CACNA2D3: variants seen among roughly 807,000 people sequenced by gnomAD.
CACNA2D3 encodes calcium voltage-gated channel auxiliary subunit alpha2delta 3.
CACNA2D3 carries 60 observed loss-of-function variants against 160.6 expected under a neutral mutation model. That is an observed-to-expected ratio of 0.37 (90% confidence interval 0.30 to 0.46). The LOEUF is 0.46. Among genes scored for constraint, CACNA2D3 ranks in the 20% least tolerant of loss-of-function variants. The probability of loss-of-function intolerance (pLI) is 1.00; values close to 1 mark genes in which losing one functional copy is unlikely to be tolerated. For missense variants in CACNA2D3, 1,205 were observed against 1,365.0 expected (o/e 0.88, Z 1.85); for synonymous variants, 558 against 492.9 (o/e 1.13, Z -1.75).
chr3:54,764,930 A>G (rs892823531), intron 13 of CACNA2D3, among the ~76,000 whole-genome samples: 2 of 152,202 alleles, frequency 1.3e-5, no homozygotes, highest in African/African-American at 2.4e-5. Flanking sequence ...AATTAGCTGA[A>G]AAGGAGGAGC....
At chr3:55,012,574 A>G (rs1457450960) in intron 34 of CACNA2D3, among the ~76,000 whole-genome samples, 1 of 152,040 alleles carries the variant, frequency 6.6e-6, no homozygotes, top group African/African-American at 2.4e-5. Flanking sequence ...GCCATTCACT[A>G]TGATCTTTGC....
In CACNA2D3 at chr3:54,618,352, C is replaced by CATACATACATATATAT. The variant is rs56316245; in HGVS notation, c.964-9432_964-9431insCATACATATATATATA. ...AAGTTCAAATTGATGTTGATACATA[C>CATACATACATATATAT]ATATATATATATATATATATATGCA... On this transcript the variant is annotated intron_variant, in intron 9 of 37. Coordinates refer to ENST00000474759, the MANE Select transcript of CACNA2D3 (RefSeq NM_018398.3). Among the ~76,000 whole-genome samples, 17 of 119,892 alleles carry CATACATACATATATAT rather than the reference C, an allele frequency of 1.4e-4. 1 individual carries two copies. Among genetic ancestry groups the CATACATACATATATAT allele is most frequent in the East Asian group, 6.8e-4 (3 of 4,398 alleles). The allele number at this position is 119,892 out of a possible 152,430, so 78.7% of individuals were successfully genotyped here.
In CACNA2D3 at chr3:54,890,491, G is replaced by A. The variant is rs558709106; in HGVS notation, c.2151-864G>A. On this transcript the variant is annotated intron_variant, in intron 24 of 37. Coordinates refer to ENST00000474759, the MANE Select transcript of CACNA2D3 (RefSeq NM_018398.3). ...AGCCTGGGTGACAGAGCCAGACTCC[G>A]TCTCAAAAAAAAAAAAAAAAAAAGA... Among the ~76,000 whole-genome samples, 69 of 110,782 alleles carry A rather than the reference G, an allele frequency of 6.2e-4. No individual in the cohort carries two copies. In the East Asian group the frequency reaches 0.015, roughly 23 times the overall value. 72.7% of individuals were successfully genotyped at this position (110,782 alleles called of 152,430 possible).
At chr3:54,818,817 G>A (rs773250586) in intron 14 of CACNA2D3, among the ~76,000 whole-genome samples, 3 of 152,190 alleles carry the variant, frequency 2.0e-5, no homozygotes, top group Non-Finnish European at 4.4e-5. Flanking sequence ...TTAAAATAGA[G>A]AAAGGCACTT....
chr3:54,314,064 C>G (rs1473088072), intron 2 of CACNA2D3, among the ~76,000 whole-genome samples: 1 of 152,074 alleles, frequency 6.6e-6, no homozygotes, highest in African/African-American at 2.4e-5. Context: ...CCCTTACTCC[C>G]TTTCTCCCTG....
intron 14 of CACNA2D3, among the ~76,000 whole-genome samples, chr3:54,827,296 T>G (rs1364162499): frequency 6.6e-6 from 1 of 152,240 alleles, no homozygotes; most frequent in Non-Finnish European, 1.5e-5. Context: ...GCTACGTAGA[T>G]GCAAAACATT....
intron 3 of CACNA2D3, among the ~76,000 whole-genome samples, chr3:54,324,173 TA>T (rs915228828): frequency 2.0e-5 from 3 of 152,198 alleles, no homozygotes; most frequent in African/African-American, 7.2e-5. Context: ...TCCTGCCTGT[TA>T]AACAATGTTG....
intron 27 of CACNA2D3, chr3:54,925,314 C>G (rs1387840373): frequency 2.1e-6 from 2 of 968,980 alleles, no homozygotes; most frequent in African/African-American, 1.6e-5. Context: ...GCTTTCCAGC[C>G]AGGTGAAACC....
intron 35 of CACNA2D3, among the ~76,000 whole-genome samples, chr3:55,040,610 A>G (rs1703937849): frequency 6.6e-6 from 1 of 152,130 alleles, no homozygotes; most frequent in South Asian, 2.1e-4. Flanking sequence ...ACTTGAGCCC[A>G]GGAGTCTGAG....
intron 35 of CACNA2D3, among the ~76,000 whole-genome samples, chr3:55,068,942 A>ATAAG (rs1189795655): frequency 6.6e-6 from 1 of 152,228 alleles, no homozygotes; most frequent in Non-Finnish European, 1.5e-5. Context: ...CATAGTAGCT[A>ATAAG]TAAGTTTCAC....
chr3:54,180,929 G>GCAAA (rs1700771788), intron 2 of CACNA2D3, among the ~76,000 whole-genome samples: 1 of 152,186 alleles, frequency 6.6e-6, no homozygotes, highest in Non-Finnish European at 1.5e-5. Flanking sequence ...GAGGCTACCT[G>GCAAA]ATAGATGTTA....
At chr3:55,015,572 A>C (rs1703311317) in intron 34 of CACNA2D3, among the ~76,000 whole-genome samples, 1 of 152,210 alleles carries the variant, frequency 6.6e-6, no homozygotes, top group Non-Finnish European at 1.5e-5. Flanking sequence ...TCTTTATTTC[A>C]TGTCAAGGGA....
chr3:54,490,947 G>A (rs996535897), intron 4 of CACNA2D3, among the ~76,000 whole-genome samples: 1 of 152,246 alleles, frequency 6.6e-6, no homozygotes, highest in Admixed American at 6.5e-5. Flanking sequence ...TAGGAGCTGG[G>A]CATACAACTG....
intron 11 of CACNA2D3, among the ~76,000 whole-genome samples, chr3:54,732,080 T>G (rs531980565): frequency 2.0e-4 from 31 of 152,228 alleles, no homozygotes; most frequent in Non-Finnish European, 3.4e-4. Context: ...TTGCCGTTTT[T>G]CTCTTACAGG....
intron 3 of CACNA2D3, among the ~76,000 whole-genome samples, chr3:54,366,208 G>C (rs937531963): frequency 6.6e-6 from 1 of 152,194 alleles, no homozygotes; most frequent in African/African-American, 2.4e-5. Flanking sequence ...GGGGATATTT[G>C]ATTAGGGTGT....
intron 14 of CACNA2D3, among the ~76,000 whole-genome samples, chr3:54,831,440 A>C (rs1703875801): frequency 6.6e-6 from 1 of 152,210 alleles, no homozygotes; most frequent in Non-Finnish European, 1.5e-5. Flanking sequence ...AAGGCAACCC[A>C]AACAGATGTC....
intron 2 of CACNA2D3, among the ~76,000 whole-genome samples, chr3:54,230,583 C>T (rs1323559138): frequency 1.3e-5 from 2 of 152,198 alleles, no homozygotes; most frequent in African/African-American, 4.8e-5. Flanking sequence ...AAGGCAAACT[C>T]TGTTGGACTC....
chr3:54,181,994 A>G (rs1700792781), intron 2 of CACNA2D3, among the ~76,000 whole-genome samples: 1 of 152,186 alleles, frequency 6.6e-6, no homozygotes, highest in African/African-American at 2.4e-5. Context: ...TGATACTTTT[A>G]ATAATCTAGT....
At chr3:54,806,935 G>C (rs980250953) in intron 13 of CACNA2D3, among the ~76,000 whole-genome samples, 1 of 152,154 alleles carries the variant, frequency 6.6e-6, no homozygotes, top group African/African-American at 2.4e-5. Flanking sequence ...ACAAACCTGA[G>C]AAAAATAAGC....
Sources: allele counts gnomAD v4.1 joint callset (sites outside exome capture counted in the v4.1 genomes callset), GRCh38; gene constraint gnomAD v4.1.1; transcripts MANE v1.5; gene names NCBI Gene and HGNC (gene_info 2026-07-23, HGNC 2026-07-21).